Variants in ITGAV observed in about 807,000 individuals in gnomAD.
ITGAV encodes the protein integrin alpha-V.
A neutral mutation model predicts 143.8 loss-of-function variants in ITGAV; 76 were observed. The observed-to-expected ratio is 0.53, with a 90% CI of 0.44 to 0.64. The LOEUF is 0.64. ITGAV is among the 30% of genes least tolerant of loss of function. ITGAV has a pLI of 0.00. For synonymous variants in ITGAV, 453 were observed against 446.7 expected (o/e 1.01, Z -0.18); for missense variants, 1,193 against 1,274.7 (o/e 0.94, Z 0.98).
At chr2:186,595,506 T>C (rs896657864) in intron 1 of ITGAV, among the ~76,000 whole-genome samples, 4 of 152,170 alleles carry the variant, frequency 2.6e-5, no homozygotes, top group Non-Finnish European at 4.4e-5. Context: ...CTCTCTTTTT[T>C]CTTTTTCTGT....
chr2:186,621,149 A>T (rs919631911), intron 2 of ITGAV, among the ~76,000 whole-genome samples: 25 of 152,204 alleles, frequency 1.6e-4, no homozygotes, highest in African/African-American at 5.8e-4. Context: ...GTAAGAAGGT[A>T]CCATTGGTCT....
rs534800078 is a variant in ITGAV, at chr2:186,616,650, T to A, written c.317-5689T>A. ...TAACAGTAGTTGTCTGACCTCCAAA[T>A]CATTTTCTCTCAAATTTCCCTTATA... On this transcript the variant is annotated intron_variant, in intron 2 of 29. Transcript: ENST00000261023. Among the ~76,000 whole-genome samples, 68 of 152,284 alleles carry A rather than the reference T, an allele frequency of 4.5e-4. 1 individual carries two copies. The highest frequency in any genetic ancestry group is 3.4e-3 in the Middle Eastern group (1 of 294).
At chr2:186,600,160 A>G in intron 1 of ITGAV, 1 of 578,352 alleles carries the variant, frequency 1.7e-6, no homozygotes, top group Non-Finnish European at 3.1e-6. Context: ...CCTTGACCTT[A>G]TCTTGTGCCA....
intron 29 of ITGAV, 124 bp downstream of exon 29, chr2:186,677,059 C>A: frequency 2.5e-6 from 3 of 1,221,854 alleles, no homozygotes; most frequent in Middle Eastern, 3.9e-4. Context: ...ACTTGATGAG[C>A]ATTACTTATT....
In ITGAV at chr2:186,674,414, A is replaced by G. The variant is rs1026293734; in HGVS notation, c.2707-1190A>G. Reference sequence around the variant, plus strand: ...CTGTACTTGTTTTTTTAGCTTAAATAGTTTTAATTTGGATTATTTAGTGTT... The same window carrying G: ...CTGTACTTGTTTTTTTAGCTTAAATGGTTTTAATTTGGATTATTTAGTGTT... On this transcript the variant is annotated intron_variant, in intron 26 of 29. Transcript: ENST00000261023. Among the ~76,000 whole-genome samples the G allele has an allele frequency of 4.6e-5, 7 of 152,062 alleles. No homozygotes were observed. The East Asian group carries it at 1.2e-3, about 25-fold the overall frequency.
intron 1 of ITGAV, among the ~76,000 whole-genome samples, chr2:186,596,668 G>GGATTACA (rs1241326614): frequency 6.6e-6 from 1 of 151,980 alleles, no homozygotes; most frequent in Non-Finnish European, 1.5e-5. Context: ...CAAAGTGCTA[G>GGATTACA]GATTACAGGC....
At chr2:186,657,808 A>G (rs1034269445) in intron 17 of ITGAV, among the ~76,000 whole-genome samples, 2 of 152,208 alleles carry the variant, frequency 1.3e-5, no homozygotes, top group Non-Finnish European at 2.9e-5. Flanking sequence ...AAGAAGAAAC[A>G]GAAAACCTGA....
intron 18 of ITGAV, among the ~76,000 whole-genome samples, chr2:186,659,462 G>A (rs1013884924): frequency 6.6e-6 from 1 of 151,858 alleles, no homozygotes; most frequent in East Asian, 1.9e-4. Flanking sequence ...CAAAGTGCCA[G>A]TTTGTTTACA....
In ITGAV at chr2:186,676,871, T is replaced by A. The variant is rs199555943; in HGVS notation, c.2987T>A (p.Val996Glu). ...QPAPMPVPVW[V>E]IILAVLAGLL... ...GCGCCCATGCCTGTGCCTGTGTGGGTGATCATTTTAGCAGTTCTAGCAGGA... is the reference window on the plus strand; with the variant it reads ...GCGCCCATGCCTGTGCCTGTGTGGGAGATCATTTTAGCAGTTCTAGCAGGA... Residue 996 changes from valine (V) to glutamate (E), a missense_variant, in exon 29 of 30, where the codon GTG becomes GAG. Coordinates refer to ENST00000261023, the MANE Select transcript of ITGAV (RefSeq NM_002210.5). 4 of 1,614,060 alleles carry A rather than the reference T, an allele frequency of 2.5e-6. No individual in the cohort carries two copies. Among genetic ancestry groups the A allele is most frequent in the Non-Finnish European group, 3.4e-6 (4 of 1,179,962 alleles).
chr2:186,665,034 A>G (rs917151452), intron 20 of ITGAV, 92 bp from the exon 21 acceptor site: 1 of 819,352 alleles, frequency 1.2e-6, no homozygotes, highest in African/African-American at 1.8e-5. Context: ...AACTAGATTT[A>G]TTTGCTTAGG....
At chr2:186,620,127 G>T (rs2165656) in intron 2 of ITGAV, among the ~76,000 whole-genome samples, 105,139 of 152,070 alleles carry the variant, frequency 0.69, 36,763 homozygotes, top group East Asian at 0.85. Context: ...TTTGCACAAG[G>T]TTTTCTTTTG....
chr2:186,653,630 G>A lies in ITGAV; in HGVS notation c.1506-1020G>A, dbSNP rs539806689. ...ATTTGGTCTTCATTTTTATTGAACTGGCAATGAAGTTGTTTTCAAGATTTT... is the reference window on the plus strand; with the variant it reads ...ATTTGGTCTTCATTTTTATTGAACTAGCAATGAAGTTGTTTTCAAGATTTT... On this transcript the variant is annotated intron_variant, in intron 15 of 29. Transcript: ENST00000261023. Among the ~76,000 whole-genome samples, 17 of 152,168 alleles carry A rather than the reference G, an allele frequency of 1.1e-4. No individual in the cohort carries two copies. In the South Asian group the frequency reaches 2.1e-3, roughly 19 times the overall value.
At chr2:186,620,936 A>AT (rs1687502639) in intron 2 of ITGAV, among the ~76,000 whole-genome samples, 1 of 152,196 alleles carries the variant, frequency 6.6e-6, no homozygotes, top group African/African-American at 2.4e-5. Flanking sequence ...TATTGACTTA[A>AT]TATCAATTTT....
intron 3 of ITGAV, among the ~76,000 whole-genome samples, chr2:186,624,313 T>G (rs1021892275): frequency 2.6e-5 from 4 of 152,178 alleles, no homozygotes; most frequent in Non-Finnish European, 2.9e-5. Flanking sequence ...CTTTATTTTT[T>G]CATCTAATTA....
rs201778906 is a variant in ITGAV, at chr2:186,678,223, T to G, written c.*931T>G. 6.5e-6 allele frequency: 1 copy of G among 152,702 alleles called. No homozygotes were observed. Among genetic ancestry groups the G allele is most frequent in the Non-Finnish European group, 1.5e-5 (1 of 68,356 alleles). 9.5% of individuals were successfully genotyped at this position (152,702 alleles called of 1,614,324 possible). On this transcript the variant is annotated 3_prime_UTR_variant, in exon 30 of 30. Transcript: ENST00000261023. ...GCTTATGCATATAGTAAGTATTACA[T>G]TCTTAGAGTAGAGCAGAGTTTTTAG...
chr2:186,591,061 A>T (rs1238465857), intron 1 of ITGAV, among the ~76,000 whole-genome samples: 1 of 152,228 alleles, frequency 6.6e-6, no homozygotes, highest in African/African-American at 2.4e-5. Context: ...AAATGACCAT[A>T]CTGTCCTATT....
intron 24 of ITGAV, 151 bp downstream of exon 24, chr2:186,667,927 CT>C (rs1480878187): frequency 2.5e-6 from 1 of 397,268 alleles, no homozygotes; most frequent in African/African-American, 2.0e-5. Flanking sequence ...AATATTTTCC[CT>C]ATACATAAAT....
rs547901175 is a variant in ITGAV, at chr2:186,590,177, C to G, written c.-162C>G. 5.6e-6 allele frequency: 3 copies of G among 532,856 alleles called. No individual in the cohort carries two copies. The highest frequency in any genetic ancestry group is 9.9e-5 in the South Asian group (2 of 20,228). The allele number at this position is 532,856 out of a possible 1,614,324, so 33.0% of individuals were successfully genotyped here. On this transcript the variant is annotated 5_prime_UTR_variant, in exon 1 of 30. Coordinates refer to ENST00000261023, the MANE Select transcript of ITGAV (RefSeq NM_002210.5). The stretch of plus-strand genomic sequence containing the variant: ...CGTCCCTGGCGGTCGCTCCGAAGCT[C>G]AGCCCTCTTGCCTGCCCCGGAGCTG...
chr2:186,664,215 T>C (rs1276469666), intron 19 of ITGAV, among the ~76,000 whole-genome samples: 1 of 152,202 alleles, frequency 6.6e-6, no homozygotes, highest in African/African-American at 2.4e-5. Flanking sequence ...TAGAAAAATA[T>C]TGGGGAATTA....
Sources: allele counts gnomAD v4.1 joint callset (sites outside exome capture counted in the v4.1 genomes callset), GRCh38; gene constraint gnomAD v4.1.1; transcripts MANE v1.5; gene names NCBI Gene and HGNC (gene_info 2026-07-23, HGNC 2026-07-21).